Variants in EPB41L2 observed in about 807,000 individuals in gnomAD.
The protein encoded by EPB41L2 is band 4.1-like protein 2.
Under a neutral mutation model 113.0 loss-of-function variants are expected in EPB41L2, and 43 were observed. The observed-to-expected ratio is 0.38, with a 90% confidence interval of 0.30 to 0.49. EPB41L2 has a LOEUF of 0.49. Among genes scored for constraint, EPB41L2 ranks in the 20% least tolerant of loss-of-function variants. EPB41L2 has a pLI of 0.95. For synonymous variants in EPB41L2, 442 were observed against 436.7 expected (o/e 1.01, Z -0.15); for missense variants, 1,147 against 1,223.4 (o/e 0.94, Z 0.93).
chr6:130,849,370 G>A (rs1035094499), intron 19 of EPB41L2, among the ~76,000 whole-genome samples: 2 of 152,226 alleles, frequency 1.3e-5, no homozygotes, highest in African/African-American at 2.4e-5. Context: ...GTCTCTAAGC[G>A]GTCAGTTCTG....
chr6:131,010,125 A>G (rs142608652), intron 1 of EPB41L2, among the ~76,000 whole-genome samples: 33 of 152,300 alleles, frequency 2.2e-4, no homozygotes, highest in African/African-American at 7.7e-4. Flanking sequence ...AAAACAAAAC[A>G]TTTACATTAT....
chr6:130,905,401 G>A (rs995033723), intron 5 of EPB41L2, among the ~76,000 whole-genome samples: 1 of 151,292 alleles, frequency 6.6e-6, no homozygotes, highest in Non-Finnish European at 1.5e-5. Context: ...AAAAAAATGT[G>A]TGTGTGTATA....
intron 1 of EPB41L2, among the ~76,000 whole-genome samples, chr6:131,001,580 C>T (rs1164448810): frequency 1.3e-5 from 2 of 152,120 alleles, no homozygotes; most frequent in East Asian, 1.9e-4. Flanking sequence ...TCATCTCTAC[C>T]GGAGTTTCCC....
rs987314183 is a variant in EPB41L2 at position 130,884,152 on chromosome 6, C to T, written c.1833+944G>A. Among the ~76,000 whole-genome samples, 6 of 152,036 alleles carry T rather than the reference C, an allele frequency of 3.9e-5. 1 individual carries two copies. The highest frequency in any genetic ancestry group is 4.2e-4 in the South Asian group (2 of 4,812). On this transcript the variant is annotated intron_variant, in intron 12 of 19. Coordinates refer to ENST00000337057, the MANE Select transcript of EPB41L2 (RefSeq NM_001431.4). ...GAGTTCAAGATGAGCCTGACCAACA[C>T]GGTGAAACCCCGTCTCTCTAAAAAT... is the stretch of plus-strand genomic sequence containing the variant.
chr6:130,978,534 T>G (rs1324879482), intron 1 of EPB41L2: 1 of 152,234 alleles, frequency 6.6e-6, no homozygotes, highest in African/African-American at 2.4e-5. Context: ...TGCCAAGATG[T>G]TCTCAATCCA....
At chr6:130,876,928 A>G (rs1787756964) in intron 14 of EPB41L2, among the ~76,000 whole-genome samples, 1 of 152,192 alleles carries the variant, frequency 6.6e-6, no homozygotes, top group Non-Finnish European at 1.5e-5. Context: ...GCATGGCATC[A>G]GACCCTTTCT....
At chr6:130,879,235 G>A (rs938924112) in intron 13 of EPB41L2, among the ~76,000 whole-genome samples, 6 of 152,158 alleles carry the variant, frequency 3.9e-5, no homozygotes, top group East Asian at 3.9e-4. Context: ...TCATCTATGA[G>A]CTTCTATAGC....
At chr6:130,992,167 T>C (rs766829645) in intron 1 of EPB41L2, among the ~76,000 whole-genome samples, 49 of 152,202 alleles carry the variant, frequency 3.2e-4, no homozygotes, top group Non-Finnish European at 6.6e-4. Context: ...GAGGGTGATT[T>C]GCGAAAAGAT....
chr6:131,061,033 C>A (rs907332110), intron 1 of EPB41L2, among the ~76,000 whole-genome samples: 2 of 152,080 alleles, frequency 1.3e-5, no homozygotes, highest in African/African-American at 4.8e-5. Flanking sequence ...ATGAAGAGTT[C>A]GAGGGACGTG....
intron 9 of EPB41L2, 71 bp downstream of exon 9, chr6:130,894,896 A>C: frequency 7.0e-7 from 1 of 1,423,218 alleles, no homozygotes; most frequent in Non-Finnish European, 9.4e-7. Context: ...GAATTAATAG[A>C]AAAGAATTTT....
At chr6:130,922,133 T>C (rs1055392299) in intron 4 of EPB41L2, among the ~76,000 whole-genome samples, 4 of 152,208 alleles carry the variant, frequency 2.6e-5, no homozygotes, top group Non-Finnish European at 4.4e-5. Context: ...AGATTCCTAA[T>C]TGAAAATCTG....
intron 18 of EPB41L2, among the ~76,000 whole-genome samples, chr6:130,862,327 G>A (rs1297528278): frequency 2.0e-5 from 3 of 152,174 alleles, no homozygotes; most frequent in Non-Finnish European, 4.4e-5. Flanking sequence ...CAATGGCTGG[G>A]AGAAGACCCT....
intron 3 of EPB41L2, among the ~76,000 whole-genome samples, chr6:130,952,859 A>C (rs896150131): frequency 6.6e-6 from 1 of 151,830 alleles, no homozygotes; most frequent in African/African-American, 2.4e-5. Context: ...AATGATAGAA[A>C]TTTTTGTGCT....
intron 1 of EPB41L2, among the ~76,000 whole-genome samples, chr6:130,976,509 A>G (rs1227137043): frequency 6.6e-6 from 1 of 152,208 alleles, no homozygotes; most frequent in Non-Finnish European, 1.5e-5. Flanking sequence ...ATGGGACTCT[A>G]GGAAAGAAAG....
At chr6:130,928,309 C>T (rs1805476802) in intron 3 of EPB41L2, among the ~76,000 whole-genome samples, 2 of 152,140 alleles carry the variant, frequency 1.3e-5, no homozygotes, top group African/African-American at 2.4e-5. Flanking sequence ...TCTAAATACA[C>T]TTCCACTACT....
intron 1 of EPB41L2, among the ~76,000 whole-genome samples, chr6:131,007,126 G>C (rs936889949): frequency 2.6e-5 from 4 of 152,208 alleles, no homozygotes; most frequent in African/African-American, 9.7e-5. Flanking sequence ...AGACGGATAT[G>C]GTTTGGCTCT....
intron 4 of EPB41L2, among the ~76,000 whole-genome samples, chr6:130,917,082 C>A (rs1024907995): frequency 6.6e-6 from 1 of 152,144 alleles, no homozygotes; most frequent in Non-Finnish European, 1.5e-5. Flanking sequence ...CCAAAGAATT[C>A]CAGGTCTTTT....
rs1267922763 is a variant in EPB41L2 at position 130,865,701 on chromosome 6, C to T, written c.2731-67G>A. ...TCTGTTATGTTGTCAGAGAAGATCCCCGCCCCATCGAATATGCATCTTTTA... is the reference window on the plus strand; with the variant it reads ...TCTGTTATGTTGTCAGAGAAGATCCTCGCCCCATCGAATATGCATCTTTTA... On this transcript the variant is annotated intron_variant, in intron 16 of 19. Coordinates refer to ENST00000337057, the MANE Select transcript of EPB41L2 (RefSeq NM_001431.4). 13 of 1,501,408 alleles carry T rather than the reference C, an allele frequency of 8.7e-6. No individual in the cohort carries two copies. The East Asian group carries it at 1.8e-4, about 21-fold the overall frequency. 93.0% of individuals were successfully genotyped at this position (1,501,408 alleles called of 1,614,324 possible). A position where few individuals can be genotyped will look rare whatever the true frequency, so the allele number is the denominator to read the frequency against.
intron 1 of EPB41L2, among the ~76,000 whole-genome samples, chr6:130,962,065 C>T (rs1162925186): frequency 6.6e-6 from 1 of 152,082 alleles, no homozygotes; most frequent in Non-Finnish European, 1.5e-5. Context: ...CAATCACGTG[C>T]TTGTATGTTC....
Sources: gnomAD v4.1 joint callset for allele counts (sites outside exome capture counted in the v4.1 genomes callset) on GRCh38, gnomAD v4.1.1 for gene constraint, MANE v1.5 for transcripts, NCBI Gene and HGNC (gene_info 2026-07-23, HGNC 2026-07-21) for gene names.